KIAA1217: variants seen among roughly 807,000 people sequenced by gnomAD.
The protein encoded by KIAA1217 is sickle tail protein homolog.
Under a neutral mutation model 163.9 loss-of-function variants are expected in KIAA1217, and 88 were observed. That is an observed-to-expected ratio of 0.54 (90% confidence interval 0.45 to 0.64). The LOEUF (loss-of-function observed/expected upper bound fraction) is 0.64. Ranked by LOEUF, KIAA1217 falls within the 30% of genes least tolerant of loss-of-function variation. The probability of loss-of-function intolerance (pLI) is 0.00; values close to 1 mark genes in which losing one functional copy is unlikely to be tolerated. For synonymous variants in KIAA1217, 903 were observed against 923.1 expected, an observed-to-expected ratio of 0.98 and a Z score of 0.39; for missense variants, 2,372 against 2,475.0, an observed-to-expected ratio of 0.96 and a Z score of 0.88.
intron 3 of KIAA1217, among the ~76,000 whole-genome samples, chr10:24,383,640 C>A (rs753737149): frequency 4.6e-5 from 7 of 152,140 alleles, no homozygotes; most frequent in Non-Finnish European, 8.8e-5. Context: ...GCTTTTTGGC[C>A]TGCCATTTTT....
Position 24,209,166 on chromosome 10 carries a change from C to T in KIAA1217, c.-28C>T. The T allele has an allele frequency of 6.2e-7, 1 of 1,609,314 alleles. No individual in the cohort carries two copies. Among genetic ancestry groups the T allele is most frequent in the Non-Finnish European group, 8.5e-7 (1 of 1,176,086 alleles). ...ACTGCGCTCTGAAGTTTCCAGAGAG[C>T]GAGGAGCTTTTGCGGCAGGCAGAGA... On this transcript the variant is annotated 5_prime_UTR_variant, in exon 1 of 21. Coordinates refer to ENST00000376454, the MANE Select transcript of KIAA1217 (RefSeq NM_019590.5).
chr10:24,350,849 C>A lies in KIAA1217; in HGVS notation c.355-30020C>A, dbSNP rs183942126. Among the ~76,000 whole-genome samples, 19 of 150,738 alleles carry A rather than the reference C, an allele frequency of 1.3e-4. 1 individual carries two copies. The highest frequency in any genetic ancestry group is 2.0e-4 in the Admixed American group (3 of 15,154). Reference sequence around the variant, plus strand: ...TGAGAGAAAAAAAAAAAACAGCTAACTGATAAGATCTTAATTGCAAGGGTC... The same window carrying A: ...TGAGAGAAAAAAAAAAAACAGCTAAATGATAAGATCTTAATTGCAAGGGTC... On this transcript the variant is annotated intron_variant, in intron 2 of 20. Transcript: ENST00000376454.
At chr10:24,226,448 A>T (rs1363409727) in intron 2 of KIAA1217, among the ~76,000 whole-genome samples, 1 of 151,772 alleles carries the variant, frequency 6.6e-6, no homozygotes, top group African/African-American at 2.4e-5. Context: ...AACACGGTGA[A>T]ACCCCGTCTC....
At chr10:24,130,646 A>T (rs940336034) in intron 2 of KIAA1217, among the ~76,000 whole-genome samples, 1 of 152,190 alleles carries the variant, frequency 6.6e-6, no homozygotes, top group Non-Finnish European at 1.5e-5. Flanking sequence ...TCCCAAACAG[A>T]TGTATTATTC....
intron 1 of KIAA1217, among the ~76,000 whole-genome samples, chr10:23,893,038 A>G (rs1253431517): frequency 3.3e-5 from 5 of 151,808 alleles, no homozygotes; most frequent in Non-Finnish European, 7.4e-5. Context: ...CTCTTTTTCT[A>G]TTGATTGGAA....
chr10:24,005,458 G>T (rs1846951041), intron 1 of KIAA1217, among the ~76,000 whole-genome samples: 1 of 151,996 alleles, frequency 6.6e-6, no homozygotes, highest in Admixed American at 6.6e-5. Flanking sequence ...TATGTCATTG[G>T]GCAAAATAAT....
At chr10:24,075,350 C>T (rs1258619340) in intron 2 of KIAA1217, among the ~76,000 whole-genome samples, 2 of 152,036 alleles carry the variant, frequency 1.3e-5, no homozygotes. Context: ...TCTGGGTTTT[C>T]TGTCTCTCAG....
At chr10:24,113,238 A>G (rs996138013) in intron 2 of KIAA1217, among the ~76,000 whole-genome samples, 8 of 152,188 alleles carry the variant, frequency 5.3e-5, no homozygotes, top group African/African-American at 1.7e-4. Flanking sequence ...CCAGTGGGAA[A>G]TAATAGCTAT....
Position 24,494,442 on chromosome 10 carries a change from C to T in KIAA1217, c.1680-58C>T, listed in dbSNP as rs187443168. 8.3e-5 allele frequency: 120 copies of T among 1,442,614 alleles called. No homozygotes were observed. In the Admixed American group the frequency reaches 1.8e-3, roughly 21 times the overall value. 89.4% of individuals were successfully genotyped at this position (1,442,614 alleles called of 1,614,324 possible). A position where few individuals can be genotyped will look rare whatever the true frequency, so the allele number is the denominator to read the frequency against. On this transcript the variant is annotated intron_variant, in intron 6 of 20. Transcript: ENST00000376454. ...ATAACCCTCAGGTGGTGCATTCACC[C>T]GGACAAACTGGTTTGAAAGTCCATA...
At chr10:23,717,452 A>G (rs1564362570) in intron 1 of KIAA1217, among the ~76,000 whole-genome samples, 1 of 152,124 alleles carries the variant, frequency 6.6e-6, no homozygotes, top group African/African-American at 2.4e-5. Flanking sequence ...TGGAGAACTC[A>G]CAAGGCGAGT....
chr10:24,415,143 T>TC (rs1342204132), intron 3 of KIAA1217, among the ~76,000 whole-genome samples: 2 of 145,470 alleles, frequency 1.4e-5, no homozygotes. Flanking sequence ...AGATAGAGTC[T>TC]TTCTGTTGTC....
chr10:24,248,758 G>T (rs896285494), intron 2 of KIAA1217, among the ~76,000 whole-genome samples: 35 of 150,156 alleles, frequency 2.3e-4, no homozygotes, highest in Non-Finnish European at 1.2e-4. Flanking sequence ...TTAGATAAAA[G>T]GTGTTTAGGT....
intron 1 of KIAA1217, among the ~76,000 whole-genome samples, chr10:23,890,636 A>T (rs1443654586): frequency 1.3e-5 from 2 of 151,948 alleles, no homozygotes; most frequent in Non-Finnish European, 2.9e-5. Context: ...AAGCTTTTGA[A>T]ATTTTTTGAA....
At chr10:24,254,683 G>A (rs1199867795) in intron 2 of KIAA1217, among the ~76,000 whole-genome samples, 2 of 152,196 alleles carry the variant, frequency 1.3e-5, no homozygotes, top group East Asian at 3.9e-4. Context: ...AAACACTGGT[G>A]TTGAGACAGT....
intron 1 of KIAA1217, among the ~76,000 whole-genome samples, chr10:23,747,765 A>C (rs1839488987): frequency 6.6e-6 from 1 of 152,182 alleles, no homozygotes; most frequent in Admixed American, 6.5e-5. Flanking sequence ...CTCTTTGCAA[A>C]AGGCCCAGCT....
At chr10:24,523,784 T>C (rs1315579364) in intron 12 of KIAA1217, among the ~76,000 whole-genome samples, 2 of 152,118 alleles carry the variant, frequency 1.3e-5, no homozygotes, top group African/African-American at 4.8e-5. Flanking sequence ...CACTACATCA[T>C]GGGTGGGGAG....
At chr10:23,932,016 C>A (rs891025498) in intron 1 of KIAA1217, among the ~76,000 whole-genome samples, 1 of 152,114 alleles carries the variant, frequency 6.6e-6, no homozygotes, top group Non-Finnish European at 1.5e-5. Flanking sequence ...ATGAAACAAC[C>A]AGAGCAGCCC....
intron 2 of KIAA1217, among the ~76,000 whole-genome samples, chr10:24,121,572 T>G (rs2063283171): frequency 6.6e-6 from 1 of 152,148 alleles, no homozygotes; most frequent in South Asian, 2.1e-4. Flanking sequence ...AGATGTCAAA[T>G]TTTTTGCTCT....
rs1221927044 is a variant in KIAA1217, at chr10:24,309,177, GGA to G, written c.355-71682_355-71681del. ...GGGAGGGAGGGAGGGAGGGAAGGAG[GGA>G]GAGAGAGAGGAAGGGTGAGTGAGTG... On this transcript the variant is annotated intron_variant, in intron 2 of 20. Coordinates refer to ENST00000376454, the MANE Select transcript of KIAA1217 (RefSeq NM_019590.5). Among the ~76,000 whole-genome samples the G allele has an allele frequency of 5.3e-5, 8 of 150,454 alleles. 1 individual carries two copies. Among genetic ancestry groups the G allele is most frequent in the African/African-American group, 1.9e-4 (8 of 41,060 alleles).
Sources: gnomAD v4.1 joint callset for allele counts (sites outside exome capture counted in the v4.1 genomes callset) on GRCh38, gnomAD v4.1.1 for gene constraint, MANE v1.5 for transcripts, NCBI Gene and HGNC (gene_info 2026-07-23, HGNC 2026-07-21) for gene names.